The following CCSER1 variants were observed in gnomAD, a reference collection of about 807,000 sequenced individuals.
CCSER1 encodes the protein coiled-coil serine rich protein 1.
Under a neutral mutation model 82.0 loss-of-function variants are expected in CCSER1, and 41 were observed. The ratio of observed to expected loss-of-function variants is 0.50; its 90% confidence interval spans 0.39 to 0.65. The LOEUF (loss-of-function observed/expected upper bound fraction) is 0.65. CCSER1 is among the 30% of genes least tolerant of loss of function. The pLI is 0.00. For missense variants in CCSER1, 1,119 were observed against 1,064.2 expected (o/e 1.05, Z -0.72); for synonymous variants, 414 against 383.9 (o/e 1.08, Z -0.92).
chr4:90,719,965 G>A (rs1321293327), intron 6 of CCSER1, among the ~76,000 whole-genome samples: 1 of 152,022 alleles, frequency 6.6e-6, no homozygotes, highest in African/African-American at 2.4e-5. Flanking sequence ...CTATTTATTT[G>A]TTGATTTGGA....
intron 4 of CCSER1, among the ~76,000 whole-genome samples, chr4:90,447,155 T>G (rs975069354): frequency 1.3e-5 from 2 of 152,186 alleles, no homozygotes; most frequent in African/African-American, 2.4e-5. Flanking sequence ...CCTGTATTGC[T>G]GTGTAGTTTT....
At chr4:90,750,698 C>T (rs1327513071) in intron 7 of CCSER1, among the ~76,000 whole-genome samples, 3 of 152,030 alleles carry the variant, frequency 2.0e-5, no homozygotes, top group Non-Finnish European at 2.9e-5. Flanking sequence ...CAATTCTATG[C>T]CAAAACCAAG....
At chr4:90,793,658 G>A (rs1465310793) in intron 7 of CCSER1, among the ~76,000 whole-genome samples, 1 of 152,104 alleles carries the variant, frequency 6.6e-6, no homozygotes, top group Non-Finnish European at 1.5e-5. Flanking sequence ...CTTTATAATA[G>A]ATTTATATTT....
chr4:90,932,218 A>C (rs1436240037), intron 9 of CCSER1, among the ~76,000 whole-genome samples: 1 of 152,182 alleles, frequency 6.6e-6, no homozygotes, highest in East Asian at 1.9e-4. Flanking sequence ...TACCAAAAAG[A>C]ATGTAATTTG....
intron 8 of CCSER1, among the ~76,000 whole-genome samples, chr4:90,903,361 G>A (rs1473661908): frequency 6.6e-6 from 1 of 151,974 alleles, no homozygotes; most frequent in African/African-American, 2.4e-5. Context: ...CCACCACTAT[G>A]TAAGGAGTGC....
At chr4:91,215,873 T>G (rs1027975921) in intron 10 of CCSER1, among the ~76,000 whole-genome samples, 2 of 152,148 alleles carry the variant, frequency 1.3e-5, no homozygotes, top group African/African-American at 2.4e-5. Context: ...AACAGGATTT[T>G]TGTGTGTGTG....
chr4:91,551,308 T>C (rs879761520), intron 10 of CCSER1, among the ~76,000 whole-genome samples: 19 of 152,268 alleles, frequency 1.2e-4, no homozygotes, highest in African/African-American at 4.6e-4. Context: ...TTTCTTTAAA[T>C]GTTTACAGTT....
chr4:91,062,291 G>A (rs1323101232), intron 9 of CCSER1, among the ~76,000 whole-genome samples: 1 of 151,928 alleles, frequency 6.6e-6, no homozygotes, highest in South Asian at 2.1e-4. Context: ...ACTCCCCCTT[G>A]CATCCCTGCT....
chr4:90,279,122 A>C (rs1189117907), intron 1 of CCSER1, among the ~76,000 whole-genome samples: 2 of 152,074 alleles, frequency 1.3e-5, no homozygotes, highest in African/African-American at 2.4e-5. Context: ...ACTTCACTCT[A>C]CGTAGCTCCA....
At chr4:90,639,769 C>T (rs1241353475) in intron 6 of CCSER1, among the ~76,000 whole-genome samples, 1 of 151,994 alleles carries the variant, frequency 6.6e-6, no homozygotes, top group Non-Finnish European at 1.5e-5. Context: ...CTATTTTGAT[C>T]AGGTGAAGGT....
At chr4:91,332,679 T>A (rs1444089048) in intron 10 of CCSER1, among the ~76,000 whole-genome samples, 2 of 151,992 alleles carry the variant, frequency 1.3e-5, no homozygotes, top group Non-Finnish European at 2.9e-5. Flanking sequence ...GTAACATCCA[T>A]CAAGATCATT....
intron 10 of CCSER1, among the ~76,000 whole-genome samples, chr4:91,563,472 A>G (rs193024967): frequency 3.6e-4 from 55 of 151,880 alleles, no homozygotes; most frequent in Non-Finnish European, 6.9e-4. Context: ...AAAAAAGTCA[A>G]CATCCTTTCA....
At position 91,113,024 on chromosome 4, in the gene CCSER1, A is replaced by T. The variant is rs561507508; in HGVS notation, c.2217+27030A>T. 5.9e-5 allele frequency among the ~76,000 whole-genome samples: 9 copies of T among 152,342 alleles called. No homozygotes were observed. In the South Asian group the frequency reaches 1.9e-3, roughly 32 times the overall value. On this transcript the variant is annotated intron_variant, in intron 10 of 10. Coordinates refer to ENST00000509176, the MANE Select transcript of CCSER1 (RefSeq NM_001145065.2). ...CAAATGGCATCTCATTCAGCAGAAGAAGTTACCTATTCTGTGGCATATTTG... is the reference window on the plus strand; with the variant it reads ...CAAATGGCATCTCATTCAGCAGAAGTAGTTACCTATTCTGTGGCATATTTG...
At chr4:90,991,459 C>T (rs760337333) in intron 9 of CCSER1, among the ~76,000 whole-genome samples, 5 of 151,918 alleles carry the variant, frequency 3.3e-5, no homozygotes, top group Non-Finnish European at 7.4e-5. Context: ...CACGTATCCA[C>T]TTCTGGTACT....
intron 9 of CCSER1, among the ~76,000 whole-genome samples, chr4:90,968,371 C>T (rs1161212182): frequency 6.6e-6 from 1 of 152,076 alleles, no homozygotes; most frequent in Non-Finnish European, 1.5e-5. Flanking sequence ...TCATCCCTTC[C>T]TTAGCAGGTG....
At chr4:90,135,528 A>G (rs1241653008) in intron 1 of CCSER1, among the ~76,000 whole-genome samples, 4 of 152,340 alleles carry the variant, frequency 2.6e-5, no homozygotes, top group Admixed American at 1.3e-4. Flanking sequence ...CTTCATTTCA[A>G]TACTCACTCT....
intron 10 of CCSER1, among the ~76,000 whole-genome samples, chr4:91,166,477 A>G (rs1275877973): frequency 5.9e-5 from 9 of 152,210 alleles, no homozygotes; most frequent in Admixed American, 6.5e-5. Flanking sequence ...TTACCTGTCA[A>G]TGGGCCATGA....
chr4:90,351,862 A>G (rs989956953), intron 3 of CCSER1, among the ~76,000 whole-genome samples: 3 of 152,240 alleles, frequency 2.0e-5, no homozygotes, highest in Admixed American at 1.3e-4. Context: ...AATGTTGACA[A>G]TGAGTGTGTT....
At chr4:91,507,002 A>G (rs1408017396) in intron 10 of CCSER1, among the ~76,000 whole-genome samples, 2 of 152,224 alleles carry the variant, frequency 1.3e-5, no homozygotes, top group East Asian at 3.8e-4. Context: ...AATCAATTGT[A>G]TGGATATAAC....
Sources: gnomAD v4.1 joint callset for allele counts (sites outside exome capture counted in the v4.1 genomes callset) on GRCh38, gnomAD v4.1.1 for gene constraint, MANE v1.5 for transcripts, NCBI Gene and HGNC (gene_info 2026-07-23, HGNC 2026-07-21) for gene names.